ELF2: variants seen among roughly 807,000 people sequenced by gnomAD.
The protein encoded by ELF2 is E74 like ETS transcription factor 2, also known as ETS-related transcription factor Elf-2.
ELF2 carries 11 observed loss-of-function variants against 54.8 expected under a neutral mutation model. The ratio of observed to expected loss-of-function variants is 0.20; its 90% CI spans 0.13 to 0.33. The LOEUF (loss-of-function observed/expected upper bound fraction) is 0.33, where lower values mean the gene tolerates loss of function less well. ELF2 is among the 10% of genes least tolerant of loss of function. ELF2 has a pLI of 1.00. For missense variants in ELF2, 513 were observed against 703.0 expected, an observed-to-expected ratio of 0.73 and a Z score of 3.06; for synonymous variants, 203 against 245.1, an observed-to-expected ratio of 0.83 and a Z score of 1.61.
In ELF2 at chr4:139,140,470, T is replaced by C. The variant is rs114685079; in HGVS notation, c.-251-973A>G. Among the ~76,000 whole-genome samples, 1,062 of 152,276 alleles carry C rather than the reference T, an allele frequency of 7.0e-3. 16 individuals are homozygous for C. Among genetic ancestry groups the C allele is most frequent in the African/African-American group, 0.024 (1,016 of 41,564 alleles). On this transcript the variant is annotated intron_variant, in intron 1 of 9. Transcript: ENST00000686138. ...TCCTCTCATCTTAAAAGTAGAAAAG[T>C]TGGCTGGGCAAGGTGGCTCAGGCCT... is the stretch of plus-strand genomic sequence containing the variant.
At chr4:139,143,909 A>T (rs1455917212) in intron 1 of ELF2, among the ~76,000 whole-genome samples, 2 of 152,132 alleles carry the variant, frequency 1.3e-5, no homozygotes, top group Admixed American at 6.5e-5. Flanking sequence ...CCTTAGCCTG[A>T]TCCTTGCCAC....
chr4:139,084,850 G>A (rs1731796645), intron 4 of ELF2, among the ~76,000 whole-genome samples: 1 of 152,182 alleles, frequency 6.6e-6, no homozygotes, highest in African/African-American at 2.4e-5. Flanking sequence ...CACCAACAAA[G>A]TCATACCTAG....
intron 1 of ELF2, among the ~76,000 whole-genome samples, chr4:139,154,095 CCT>C (rs1182358828): frequency 6.6e-6 from 1 of 152,212 alleles, no homozygotes; most frequent in Admixed American, 6.5e-5. Flanking sequence ...GCAAAATAAA[CCT>C]CTAAATTCAA....
At chr4:139,151,039 A>AG (rs1491194335) in intron 1 of ELF2, among the ~76,000 whole-genome samples, 35 of 59,290 alleles carry the variant, frequency 5.9e-4, no homozygotes, top group African/African-American at 1.4e-3. Flanking sequence ...AAAAAAAGAA[A>AG]GAAAGAAAGA....
intron 4 of ELF2, among the ~76,000 whole-genome samples, chr4:139,092,965 A>AT (rs771791854): frequency 0.026 from 3,608 of 136,632 alleles, 62 homozygotes; most frequent in Middle Eastern, 0.065. Context: ...ATAGTAAATA[A>AT]TTTTTTTTTT....
At chr4:139,122,953 G>A (rs1736528963) in intron 4 of ELF2, among the ~76,000 whole-genome samples, 1 of 151,938 alleles carries the variant, frequency 6.6e-6, no homozygotes, top group Admixed American at 6.6e-5. Context: ...GGGAGGCCGA[G>A]GCGGGCAGAT....
intron 5 of ELF2, 34 bp from the exon 6 acceptor site, chr4:139,072,073 A>AC: frequency 6.3e-7 from 1 of 1,598,124 alleles, no homozygotes; most frequent in Non-Finnish European, 8.5e-7. Context: ...AAAATTTCCC[A>AC]CCCCCATCAA....
At chr4:139,137,270 A>C (rs184509196) in intron 3 of ELF2, 140 of 196,712 alleles carry the variant, frequency 7.1e-4, no homozygotes, top group African/African-American at 3.2e-3. Context: ...CAAAATTCTA[A>C]CTTAGAATGA....
intron 4 of ELF2, among the ~76,000 whole-genome samples, chr4:139,083,664 G>C (rs1170063918): frequency 1.3e-5 from 2 of 152,218 alleles, no homozygotes; most frequent in African/African-American, 4.8e-5. Flanking sequence ...CGGGGGTGGC[G>C]AGCGTTCGCC....
At chr4:139,089,716 A>G (rs142391391) in intron 4 of ELF2, among the ~76,000 whole-genome samples, 20 of 152,324 alleles carry the variant, frequency 1.3e-4, no homozygotes, top group Non-Finnish European at 2.6e-4. Context: ...TAAATGCTAC[A>G]AAGTATTCCA....
rs139727207 is a variant in ELF2 at position 139,144,404 on chromosome 4, A to G, written c.-251-4907T>C. Reference sequence around the variant, plus strand: ...ATTCTGTGTCACAGGAGAGTTCACAAAGTTCTGCCAACCAACTGAGGCAGT... The same window carrying G: ...ATTCTGTGTCACAGGAGAGTTCACAGAGTTCTGCCAACCAACTGAGGCAGT... On this transcript the variant is annotated intron_variant, in intron 1 of 9. Coordinates refer to ENST00000686138, the MANE Select transcript of ELF2 (RefSeq NM_001331036.3). Among the ~76,000 whole-genome samples, 533 of 152,322 alleles carry G rather than the reference A, an allele frequency of 3.5e-3. 1 individual carries two copies. Among genetic ancestry groups the G allele is most frequent in the African/African-American group, 0.012 (494 of 41,566 alleles).
intron 1 of ELF2, among the ~76,000 whole-genome samples, chr4:139,151,082 A>AAGAG (rs1553971392): frequency 0.02 from 2,493 of 121,918 alleles, 104 homozygotes; most frequent in Non-Finnish European, 0.034. Context: ...GAAAGAAAGA[A>AAGAG]AGAAAGAAAG....
chr4:139,146,116 C>A (rs574436646), intron 1 of ELF2, among the ~76,000 whole-genome samples: 16 of 152,240 alleles, frequency 1.1e-4, no homozygotes, highest in African/African-American at 3.6e-4. Context: ...TGATCGTATA[C>A]CTACAAAATG....
chr4:139,067,068 G>A (rs1728808189), intron 7 of ELF2: 1 of 151,550 alleles, frequency 6.6e-6, no homozygotes, highest in Non-Finnish European at 1.5e-5. Flanking sequence ...GAGCCTAGGA[G>A]TTTAAGACCT....
intron 1 of ELF2, among the ~76,000 whole-genome samples, chr4:139,162,071 G>C (rs933205348): frequency 1.3e-5 from 2 of 152,162 alleles, no homozygotes; most frequent in African/African-American, 4.8e-5. Context: ...TCTAGCTGGG[G>C]CGACAGAGCG....
intron 1 of ELF2, among the ~76,000 whole-genome samples, chr4:139,165,276 G>T (rs1193242075): frequency 6.6e-6 from 1 of 152,150 alleles, no homozygotes; most frequent in Non-Finnish European, 1.5e-5. Context: ...TTAAATTAAT[G>T]ACTATTATTT....
chr4:139,059,560 C>T lies in ELF2; in HGVS notation c.1205G>A (p.Gly402Asp), dbSNP rs764276913. 2 of 1,613,424 alleles carry T rather than the reference C, an allele frequency of 1.2e-6. No homozygotes were observed. Among genetic ancestry groups the T allele is most frequent in the Non-Finnish European group, 1.7e-6 (2 of 1,179,860 alleles). ...MQVPVVMTSL[G>D]QKISTVAVQS... ...AACTGCCACAGTTGAAATTTTCTGA[C>T]CCAATGATGTCATTACAACAGGTAC... The change falls in exon 10 of 10, where the codon GGT becomes GAT. Residue 402 changes from glycine (G) to aspartate (D), a missense_variant. By Grantham distance (94) the Gly-to-Asp change is moderately conservative (BLOSUM62 -1). Around this residue, in one of 3 missense-constraint regions of ELF2, gnomAD observed 291 missense variants for 366.1 expected, o/e 0.79. Transcript: ENST00000686138.
rs1259629206 is a variant in ELF2 at position 139,057,596 on chromosome 4, A to C, written c.*1387T>G. 1 of 152,222 alleles carries C rather than the reference A, an allele frequency of 6.6e-6. No individual in the cohort carries two copies. Among genetic ancestry groups the C allele is most frequent in the Non-Finnish European group, 1.5e-5 (1 of 68,030 alleles). 9.4% of individuals were successfully genotyped at this position (152,222 alleles called of 1,614,324 possible). On this transcript the variant is annotated 3_prime_UTR_variant, in exon 10 of 10. Coordinates refer to ENST00000686138, the MANE Select transcript of ELF2 (RefSeq NM_001331036.3). ...GGTCTGATTGTGAAACAAATGGTTT[A>C]AAGTGTTTTACAAATATAAATTCTT... is the stretch of plus-strand genomic sequence containing the variant.
chr4:139,175,406 T>C (rs567799097), intron 1 of ELF2, among the ~76,000 whole-genome samples: 2 of 152,348 alleles, frequency 1.3e-5, no homozygotes, highest in South Asian at 4.1e-4. Flanking sequence ...GATATTCCAA[T>C]TTTCTATTTC....
Sources: allele counts gnomAD v4.1 joint callset (sites outside exome capture counted in the v4.1 genomes callset), GRCh38; gene constraint gnomAD v4.1.1; regional missense constraint gnomAD v4.1.1; transcripts MANE v1.5; gene names NCBI Gene and HGNC (gene_info 2026-07-23, HGNC 2026-07-21).